Variants in SIRT1 observed in about 807,000 individuals in gnomAD.
The protein encoded by SIRT1 is sirtuin 1, also known as NAD-dependent protein deacetylase sirtuin-1.
A neutral mutation model predicts 67.9 loss-of-function variants in SIRT1; 24 were observed. That is an observed-to-expected ratio of 0.35 (90% confidence interval 0.26 to 0.50). The LOEUF (loss-of-function observed/expected upper bound fraction) is 0.50. SIRT1 is among the 20% of genes least tolerant of loss of function. SIRT1 has a pLI of 0.98. For missense variants in SIRT1, 873 were observed against 937.2 expected, an observed-to-expected ratio of 0.93 and a Z score of 0.89; for synonymous variants, 378 against 350.7, an observed-to-expected ratio of 1.08 and a Z score of -0.87.
chr10:67,897,720 A>T (rs1389602657), intron 4 of SIRT1, among the ~76,000 whole-genome samples: 1 of 151,380 alleles, frequency 6.6e-6, no homozygotes, highest in African/African-American at 2.4e-5. Context: ...CTGGTCTCGA[A>T]CTCCTGACCT....
At chr10:67,909,472 T>G (rs1589082548) in intron 7 of SIRT1, 30 bp downstream of exon 7, 1 of 1,569,756 alleles carries the variant, frequency 6.4e-7, no homozygotes, top group East Asian at 2.2e-5. Flanking sequence ...TGGAGAACAT[T>G]TCTATATATA....
chr10:67,910,786 T>C (rs569383147), intron 7 of SIRT1, among the ~76,000 whole-genome samples: 7 of 152,350 alleles, frequency 4.6e-5, no homozygotes, highest in African/African-American at 1.7e-4. Context: ...AAAATTTCTT[T>C]GTCATATATA....
At chr10:67,895,313 G>T (rs1406393117) in intron 4 of SIRT1, among the ~76,000 whole-genome samples, 1 of 152,044 alleles carries the variant, frequency 6.6e-6, no homozygotes, top group Non-Finnish European at 1.5e-5. Context: ...TCCCAGCTAC[G>T]CAGGAGGCTG....
At chr10:67,905,638 A>G (rs552088028) in intron 4 of SIRT1, among the ~76,000 whole-genome samples, 2 of 152,330 alleles carry the variant, frequency 1.3e-5, no homozygotes, top group East Asian at 1.9e-4. Flanking sequence ...GTATAATGTC[A>G]GAAGTGAAAG....
Position 67,884,796 on chromosome 10 carries a change from G to A in SIRT1, c.75G>A (p.Ala25=). The A allele has an allele frequency of 1.6e-6, 2 of 1,214,404 alleles. No homozygotes were observed. Among genetic ancestry groups the A allele is most frequent in the Non-Finnish European group, 1.0e-6 (1 of 977,854 alleles). 75.2% of individuals were successfully genotyped at this position (1,214,404 alleles called of 1,614,324 possible). A position where few individuals can be genotyped will look rare whatever the true frequency, so the allele number is the denominator to read the frequency against. Residue 25 remains alanine, a synonymous_variant, in exon 1 of 9, where the codon GCG becomes GCA. Transcript: ENST00000212015. The part of the protein sequence containing the change: ...PSAAGADREA[A]SSPAGEPLRK... ...CGGCGGGGGCCGACAGGGAGGCCGC[G>A]TCGTCCCCCGCCGGGGAGCCGCTCC... is the stretch of plus-strand genomic sequence containing the variant.
intron 4 of SIRT1, among the ~76,000 whole-genome samples, chr10:67,896,280 G>A (rs1284758985): frequency 2.6e-5 from 4 of 152,108 alleles, no homozygotes; most frequent in African/African-American, 7.2e-5. Flanking sequence ...CCATAGGCAC[G>A]TACCATATAC....
chr10:67,895,744 T>G (rs575133540), intron 4 of SIRT1, among the ~76,000 whole-genome samples: 5 of 90,562 alleles, frequency 5.5e-5, no homozygotes, highest in African/African-American at 2.0e-4. Context: ...TTTTTTTTTT[T>G]TTTGTTTTTT....
At chr10:67,891,686 A>T in intron 4 of SIRT1, 132 bp downstream of exon 4, 1 of 829,732 alleles carries the variant, frequency 1.2e-6, no homozygotes. Flanking sequence ...GAGTAAGATC[A>T]CTCATTATGG....
chr10:67,896,482 G>A (rs1268746457), intron 4 of SIRT1, among the ~76,000 whole-genome samples: 1 of 152,114 alleles, frequency 6.6e-6, no homozygotes, highest in African/African-American at 2.4e-5. Flanking sequence ...ACTTTCCTGT[G>A]CGTTGTAGGA....
intron 1 of SIRT1, 111 bp from the exon 2 acceptor site, chr10:67,887,306 C>T: frequency 1.4e-6 from 1 of 699,978 alleles, no homozygotes; most frequent in Non-Finnish European, 2.6e-6. Flanking sequence ...TTTACACACG[C>T]CGTGTAAATG....
In SIRT1 at chr10:67,917,849, G is replaced by A. The variant is rs200058489; in HGVS notation, c.*1256G>A. ...ACTTTCTCAGCTGCAAAAGCTTCTA[G>A]TCTTTCAAGAAGTTCATACTTTATG... On this transcript the variant is annotated 3_prime_UTR_variant, in exon 9 of 9. Transcript: ENST00000212015. 6 of 152,516 alleles carry A rather than the reference G, an allele frequency of 3.9e-5. No individual in the cohort carries two copies. The highest frequency in any genetic ancestry group is 8.8e-5 in the Non-Finnish European group (6 of 68,024). The allele number at this position is 152,516 out of a possible 1,614,324, so 9.4% of individuals were successfully genotyped here. A position where few individuals can be genotyped will look rare whatever the true frequency, so the allele number is the denominator to read the frequency against.
At chr10:67,906,380 CAG>C in intron 4 of SIRT1, 2 of 1,303,636 alleles carry the variant, frequency 1.5e-6, no homozygotes, top group Non-Finnish European at 2.1e-6. Flanking sequence ...CTTGTATTGA[CAG>C]TGCTTTTTTT....
At chr10:67,911,045 C>T (rs747187900) in intron 7 of SIRT1, among the ~76,000 whole-genome samples, 1 of 152,106 alleles carries the variant, frequency 6.6e-6, no homozygotes, top group African/African-American at 2.4e-5. Context: ...TAGCAGTTAA[C>T]TCAGTCTTAC....
At chr10:67,899,329 T>C (rs1213433148) in intron 4 of SIRT1, among the ~76,000 whole-genome samples, 1 of 150,786 alleles carries the variant, frequency 6.6e-6, no homozygotes. Context: ...TATAAATATA[T>C]ATAATTATAT....
At chr10:67,901,453 G>T (rs574749054) in intron 4 of SIRT1, among the ~76,000 whole-genome samples, 3 of 152,250 alleles carry the variant, frequency 2.0e-5, no homozygotes, top group African/African-American at 7.2e-5. Flanking sequence ...CTGCATCGGG[G>T]TATATGTTCA....
At chr10:67,886,014 C>T (rs1302387033) in intron 1 of SIRT1, among the ~76,000 whole-genome samples, 4 of 139,974 alleles carry the variant, frequency 2.9e-5, no homozygotes, top group Non-Finnish European at 3.0e-5. Context: ...GGCGCGATCT[C>T]GGCTCAGTGC....
At chr10:67,914,785 G>A (rs1277332450) in intron 8 of SIRT1, among the ~76,000 whole-genome samples, 1 of 151,170 alleles carries the variant, frequency 6.6e-6, no homozygotes, top group Non-Finnish European at 1.5e-5. Flanking sequence ...TCGGTTCACG[G>A]CAACCTCCGC....
chr10:67,903,161 A>C (rs552951405), intron 4 of SIRT1, among the ~76,000 whole-genome samples: 1 of 152,032 alleles, frequency 6.6e-6, no homozygotes, highest in Non-Finnish European at 1.5e-5. Context: ...TGGCACGATC[A>C]TAGAGTACTA....
At chr10:67,901,366 A>T (rs1191616896) in intron 4 of SIRT1, among the ~76,000 whole-genome samples, 3 of 152,020 alleles carry the variant, frequency 2.0e-5, no homozygotes, top group African/African-American at 7.2e-5. Flanking sequence ...GGATTTTCAT[A>T]TCAAAACAGG....
Sources: gnomAD v4.1 joint callset for allele counts (sites outside exome capture counted in the v4.1 genomes callset) on GRCh38, gnomAD v4.1.1 for gene constraint, MANE v1.5 for transcripts, NCBI Gene and HGNC (gene_info 2026-07-23, HGNC 2026-07-21) for gene names.